Variants in DLG2 observed in about 807,000 individuals in gnomAD.
DLG2 encodes the protein discs large MAGUK scaffold protein 2, also known as disks large homolog 2.
In DLG2, 45 loss-of-function variants were observed where a neutral mutation model predicts 132.5. That is an observed-to-expected ratio of 0.34 (90% confidence interval 0.27 to 0.44). The LOEUF is 0.44. DLG2 is among the 20% of genes least tolerant of loss of function. DLG2 has a pLI of 1.00. For synonymous variants in DLG2, 424 were observed against 419.6 expected (o/e 1.01, Z -0.13); for missense variants, 1,045 against 1,196.9 (o/e 0.87, Z 1.87).
rs368895900 is a variant in DLG2, at chr11:84,483,198, C to T, written c.519+51372G>A. On this transcript the variant is annotated intron_variant, in intron 7 of 27. Coordinates refer to ENST00000376104, the MANE Select transcript of DLG2 (RefSeq NM_001142699.3). The stretch of plus-strand genomic sequence containing the variant: ...CTGTAATCCCAGCACTTTGGGAGGC[C>T]GAGGCGGGCTCATCACCTGAGGTCA... Among the ~76,000 whole-genome samples the T allele has an allele frequency of 1.2e-3, 177 of 152,034 alleles. 1 individual carries two copies. The highest frequency in any genetic ancestry group is 4.2e-3 in the African/African-American group (173 of 41,464).
At chr11:83,484,353 A>T in intron 21 of DLG2, 125 bp from the exon 22 acceptor site, 1 of 681,512 alleles carries the variant, frequency 1.5e-6, no homozygotes. Context: ...ATAATTCTAA[A>T]GTGGTGCCAG....
intron 7 of DLG2, among the ~76,000 whole-genome samples, chr11:84,265,927 A>G (rs950585465): frequency 2.6e-5 from 4 of 152,200 alleles, no homozygotes; most frequent in Admixed American, 6.6e-5. Flanking sequence ...TTGGTTTGCT[A>G]CATGGAAGAG....
chr11:85,123,047 G>T (rs1231654386), intron 5 of DLG2, among the ~76,000 whole-genome samples: 1 of 135,484 alleles, frequency 7.4e-6, no homozygotes, highest in African/African-American at 2.8e-5. Flanking sequence ...GTGCGATCTC[G>T]GCTCACTGCA....
intron 3 of DLG2, among the ~76,000 whole-genome samples, chr11:85,560,888 C>G (rs2077198081): frequency 6.6e-6 from 1 of 151,060 alleles, no homozygotes; most frequent in Admixed American, 6.6e-5. Context: ...AAAAATTAGC[C>G]AGGTGTGATG....
intron 6 of DLG2, among the ~76,000 whole-genome samples, chr11:84,613,232 T>C (rs943661435): frequency 3.3e-5 from 5 of 152,142 alleles, no homozygotes; most frequent in African/African-American, 1.2e-4. Flanking sequence ...AATATCGGTA[T>C]TTTATATTAA....
At chr11:85,060,355 G>A (rs944401266) in intron 6 of DLG2, among the ~76,000 whole-genome samples, 1 of 149,572 alleles carries the variant, frequency 6.7e-6, no homozygotes, top group Non-Finnish European at 1.5e-5. Context: ...TATATATAAT[G>A]TTATAAATGA....
intron 6 of DLG2, among the ~76,000 whole-genome samples, chr11:84,850,224 C>G (rs576581476): frequency 6.6e-6 from 1 of 152,214 alleles, no homozygotes; most frequent in East Asian, 1.9e-4. Context: ...TCATGTACCT[C>G]TTTTCCAGAC....
At chr11:85,249,427 T>C (rs915440166) in intron 4 of DLG2, among the ~76,000 whole-genome samples, 1 of 151,678 alleles carries the variant, frequency 6.6e-6, no homozygotes. Context: ...TGTGTGCATA[T>C]ATATATTAAA....
intron 2 of DLG2, among the ~76,000 whole-genome samples, chr11:85,610,663 G>A (rs1328575484): frequency 6.6e-6 from 1 of 152,216 alleles, no homozygotes; most frequent in African/African-American, 2.4e-5. Flanking sequence ...GAAGCCTCAT[G>A]CCAACAGGCT....
At chr11:83,888,427 A>G (rs929485256) in intron 15 of DLG2, among the ~76,000 whole-genome samples, 64 of 152,086 alleles carry the variant, frequency 4.2e-4, no homozygotes, top group Non-Finnish European at 6.5e-4. Flanking sequence ...AGAACTACAA[A>G]CCACTGCTCA....
At chr11:85,196,571 A>G (rs952987523) in intron 4 of DLG2, among the ~76,000 whole-genome samples, 4 of 152,362 alleles carry the variant, frequency 2.6e-5, no homozygotes, top group Admixed American at 6.5e-5. Context: ...TGGGAAGTTT[A>G]AAATTATTTG....
At chr11:83,982,322 A>C (rs915763570) in intron 11 of DLG2, among the ~76,000 whole-genome samples, 5 of 151,998 alleles carry the variant, frequency 3.3e-5, no homozygotes, top group African/African-American at 1.2e-4. Context: ...GAGATGACAG[A>C]TCCATGCTGT....
intron 17 of DLG2, among the ~76,000 whole-genome samples, chr11:83,789,720 G>T (rs1306765222): frequency 1.1e-4 from 16 of 152,040 alleles, no homozygotes; most frequent in South Asian, 2.1e-4. Context: ...GCTATTTTTT[G>T]TATTTTTAGC....
chr11:83,462,280 C>T (rs575914165), intron 26 of DLG2, 187 bp from the exon 27 acceptor site: 72 of 554,610 alleles, frequency 1.3e-4, no homozygotes, highest in African/African-American at 1.3e-3. Context: ...CCAGAAAGCT[C>T]ATTCTCTCAA....
At chr11:84,955,272 G>C (rs1265950382) in intron 6 of DLG2, 1 of 152,056 alleles carries the variant, frequency 6.6e-6, no homozygotes, top group Non-Finnish European at 1.5e-5. Flanking sequence ...TTAAATAATT[G>C]ACACGTAATA....
intron 7 of DLG2, among the ~76,000 whole-genome samples, chr11:84,449,647 T>C (rs1041893235): frequency 6.6e-5 from 10 of 151,974 alleles, no homozygotes; most frequent in African/African-American, 9.6e-5. Flanking sequence ...TTCCTTAGTA[T>C]TGGTCTAACA....
At chr11:84,745,370 C>T (rs551388507) in intron 6 of DLG2, among the ~76,000 whole-genome samples, 1 of 152,168 alleles carries the variant, frequency 6.6e-6, no homozygotes, top group Admixed American at 6.5e-5. Context: ...AGTGTATAGC[C>T]CTGTTCCCAT....
At chr11:85,454,486 C>G (rs1157337289) in intron 3 of DLG2, among the ~76,000 whole-genome samples, 1 of 151,890 alleles carries the variant, frequency 6.6e-6, no homozygotes, top group African/African-American at 2.4e-5. Context: ...TAGGTTGTAT[C>G]TTTATTGATA....
At chr11:85,093,587 T>C (rs2069203122) in intron 6 of DLG2, among the ~76,000 whole-genome samples, 1 of 152,098 alleles carries the variant, frequency 6.6e-6, no homozygotes, top group Non-Finnish European at 1.5e-5. Context: ...ACAATCATGG[T>C]GGAAGGTGAG....
Sources: gnomAD v4.1 joint callset for allele counts (sites outside exome capture counted in the v4.1 genomes callset) on GRCh38, gnomAD v4.1.1 for gene constraint, MANE v1.5 for transcripts, NCBI Gene and HGNC (gene_info 2026-07-23, HGNC 2026-07-21) for gene names.